Variants in CAMTA2 observed in about 807,000 individuals in gnomAD.
CAMTA2 encodes calmodulin-binding transcription activator 2.
A neutral mutation model predicts 135.7 loss-of-function variants in CAMTA2; 56 were observed. The observed-to-expected ratio is 0.41, with a 90% CI of 0.33 to 0.52. The LOEUF (loss-of-function observed/expected upper bound fraction) is 0.52, where lower values mean the gene tolerates loss of function less well. Ranked by LOEUF, CAMTA2 falls within the 20% of genes least tolerant of loss-of-function variation. The pLI is 0.16. For synonymous variants in CAMTA2, 591 were observed against 604.6 expected, an observed-to-expected ratio of 0.98 and a Z score of 0.33; for missense variants, 1,358 against 1,553.4, an observed-to-expected ratio of 0.87 and a Z score of 2.11.
At chr17:4,971,886 G>A (rs536300133) in intron 16 of CAMTA2, among the ~76,000 whole-genome samples, 3 of 151,930 alleles carry the variant, frequency 2.0e-5, no homozygotes, top group Non-Finnish European at 2.9e-5. Flanking sequence ...AGGGGGTTTC[G>A]CCATGTTGCC....
chr17:4,968,734 G>A lies in CAMTA2; in HGVS notation c.*22C>T. 6.2e-7 allele frequency: 1 copy of A among 1,613,742 alleles called. No homozygotes were observed. Among genetic ancestry groups the A allele is most frequent in the African/African-American group, 1.3e-5 (1 of 75,036 alleles). On this transcript the variant is annotated 3_prime_UTR_variant, in exon 23 of 23. Coordinates refer to ENST00000348066, the MANE Select transcript of CAMTA2 (RefSeq NM_015099.4). ...AGACTGCACGAGGCGCCCCCAGGGT[G>A]GTGAGAAAGGCGGTGGCCAGGTCAT...
chr17:4,977,369 G>A (rs1329716255), intron 10 of CAMTA2, among the ~76,000 whole-genome samples, 177 bp from the exon 11 acceptor site: 1 of 152,254 alleles, frequency 6.6e-6, no homozygotes, highest in Non-Finnish European at 1.5e-5. Flanking sequence ...ATTTGTTTGA[G>A]AACTTAATAC....
chr17:4,983,476 G>C (rs989915297), intron 3 of CAMTA2, among the ~76,000 whole-genome samples: 1 of 151,878 alleles, frequency 6.6e-6, no homozygotes, highest in Non-Finnish European at 1.5e-5. Flanking sequence ...GTAGAGACAG[G>C]ATTTCACCAT....
At position 4,972,362 on chromosome 17, in the gene CAMTA2, A is replaced by AG. The variant is rs1972345442; in HGVS notation, c.2677dup (p.Leu893ProfsTer7). 1.9e-6 allele frequency: 3 copies of AG among 1,613,618 alleles called. No individual in the cohort carries two copies. The highest frequency in any genetic ancestry group is 2.5e-6 in the Non-Finnish European group (3 of 1,179,788). On this transcript the variant is annotated frameshift_variant, in exon 16 of 23. Coordinates refer to ENST00000348066, the MANE Select transcript of CAMTA2 (RefSeq NM_015099.4). LOFTEE classifies it high-confidence loss of function. ...GGTAGCCTCATAGTCCATGAGGAGT[A>AG]GGGGGGCTTCTGGGACACCAGAGGA...
Position 4,970,355 on chromosome 17 carries a change from C to T in CAMTA2, c.2990G>A (p.Ser997Asn), listed in dbSNP as rs757988195. Reference protein sequence around the residue: ...SYLENVDHFPSSTPPSELPFE... With the variant: ...SYLENVDHFPNSTPPSELPFE... ...AGCTAGTCACCTGGGAGGGGTTGAG[C>T]TGGGGAAATGGTCCACATTCTCCAG... Residue 997 changes from serine (S) to asparagine (N), a missense_variant, in exon 17 of 23, where the codon AGC becomes AAC. Around this residue, in one of 4 missense-constraint regions of CAMTA2, gnomAD observed 1,077 missense variants for 1,127.5 expected, o/e 0.96. Coordinates refer to ENST00000348066, the MANE Select transcript of CAMTA2 (RefSeq NM_015099.4). 1 of 1,614,236 alleles carries T rather than the reference C, an allele frequency of 6.2e-7. No individual in the cohort carries two copies. The highest frequency in any genetic ancestry group is 1.1e-5 in the South Asian group (1 of 91,088).
chr17:4,984,373 C>T (rs1203556825), intron 3 of CAMTA2, among the ~76,000 whole-genome samples: 1 of 152,232 alleles, frequency 6.6e-6, no homozygotes, highest in Non-Finnish European at 1.5e-5. Flanking sequence ...TTGATTCCTT[C>T]CTGAACATGC....
Position 4,982,059 on chromosome 17 carries a change from G to C in CAMTA2, c.411+30C>G, listed in dbSNP as rs776451372. ...CGTGTCCCTCAAAGAGTCAGGAAGA[G>C]GGTGGCTCCCTGGGCTCTTCCGTCC... On this transcript the variant is annotated intron_variant, in intron 6 of 22. Transcript: ENST00000348066. 5 of 1,552,992 alleles carry C rather than the reference G, an allele frequency of 3.2e-6. No individual in the cohort carries two copies. The South Asian group carries it at 5.6e-5, about 17-fold the overall frequency.
At position 4,987,630 on chromosome 17, in the gene CAMTA2, T is replaced by C. The variant is rs1973446266; in HGVS notation, c.-102A>G. On this transcript the variant is annotated 5_prime_UTR_variant, in exon 1 of 23. Transcript: ENST00000348066. ...CGCGGGTGACGGCGGCAGCGGCCAT[T>C]CTACCCCACACCGACCCCCCCCAGC... 2 of 1,526,994 alleles carry C rather than the reference T, an allele frequency of 1.3e-6. No individual in the cohort carries two copies. Among genetic ancestry groups the C allele is most frequent in the African/African-American group, 1.4e-5 (1 of 71,772 alleles). 94.6% of individuals were successfully genotyped at this position (1,526,994 alleles called of 1,614,324 possible).
At chr17:4,973,090 C>G in intron 14 of CAMTA2, 85 bp downstream of exon 14, 2 of 1,509,262 alleles carry the variant, frequency 1.3e-6, no homozygotes, top group East Asian at 2.3e-5. Context: ...CCACCCCACT[C>G]CCTGCATTCC....
chr17:4,986,703 C>T (rs1437808798), intron 1 of CAMTA2: 1 of 548,124 alleles, frequency 1.8e-6, no homozygotes, highest in African/African-American at 2.0e-5. Context: ...ATTCTACCTC[C>T]GGTAGAAGCT....
At chr17:4,985,798 C>T in intron 3 of CAMTA2, 82 bp downstream of exon 3, 1 of 845,898 alleles carries the variant, frequency 1.2e-6, no homozygotes, top group Non-Finnish European at 2.1e-6. Flanking sequence ...GGAGTGTTGA[C>T]AGACACGGAA....
intron 11 of CAMTA2, among the ~76,000 whole-genome samples, chr17:4,974,993 G>A (rs1206147825): frequency 1.3e-5 from 2 of 152,070 alleles, no homozygotes; most frequent in Non-Finnish European, 2.9e-5. Flanking sequence ...CCAGCCCCCC[G>A]CAGCTGTCCA....
chr17:4,983,844 A>G (rs1228568849), intron 3 of CAMTA2: 2 of 152,040 alleles, frequency 1.3e-5, no homozygotes, highest in African/African-American at 2.4e-5. Flanking sequence ...TCAGCCTCTC[A>G]AAGTGCTGGG....
At chr17:4,975,948 TGTGTTA>T (rs1972587009) in intron 11 of CAMTA2, among the ~76,000 whole-genome samples, 1 of 152,214 alleles carries the variant, frequency 6.6e-6, no homozygotes, top group South Asian at 2.1e-4. Flanking sequence ...CCTCTATGTT[TGTGTTA>T]GTACACCATG....
Position 4,970,484 on chromosome 17 carries a change from AT to A in CAMTA2, c.2860del (p.Ile954LeufsTer85). On this transcript the variant is annotated frameshift_variant, in exon 17 of 23. Coordinates refer to ENST00000348066, the MANE Select transcript of CAMTA2 (RefSeq NM_015099.4). LOFTEE classifies it high-confidence loss of function. The stretch of plus-strand genomic sequence containing the variant: ...CAGCCCCACGAAGTCCTCTCGTTTA[AT>A]CCGCTCCGGTGTGGCTTCGATGATC... ...KQIIEATPERIKREDFVGLPE... is the reference protein window; with the variant it reads ...KQIIEATPERXKREDFVGLPE... 6.2e-7 allele frequency: 1 copy of A among 1,613,942 alleles called. No individual in the cohort carries two copies.
At position 4,978,613 on chromosome 17, in the gene CAMTA2, G is replaced by T; in HGVS notation, c.1656C>A (p.Leu552=). Residue 552 remains leucine (L), a synonymous_variant, in exon 10 of 23, where the codon CTC becomes CTA. Coordinates refer to ENST00000348066, the MANE Select transcript of CAMTA2 (RefSeq NM_015099.4). ...WSYPEGGVKV[L]ITGPWTEAAE... ...CGGCTTCGGTCCAAGGACCTGTGAT[G>T]AGCACCTTGACCCCACCCTGCAGAC... 1 of 1,613,792 alleles carries T rather than the reference G, an allele frequency of 6.2e-7. No individual in the cohort carries two copies. The highest frequency in any genetic ancestry group is 1.1e-5 in the South Asian group (1 of 91,052).
chr17:4,982,922 T>C (rs745684306), intron 4 of CAMTA2, 30 bp from the exon 5 acceptor site: 4 of 1,614,070 alleles, frequency 2.5e-6, no homozygotes, highest in Middle Eastern at 3.3e-4. Context: ...CCTGGAGTTC[T>C]GTGAACAGAA....
rs1567680556 is a variant in CAMTA2, at chr17:4,968,889, G to A, written c.3545+18C>T. The A allele has an allele frequency of 1.2e-6, 2 of 1,613,876 alleles. No homozygotes were observed. Among genetic ancestry groups the A allele is most frequent in the Admixed American group, 1.7e-5 (1 of 60,032 alleles). On this transcript the variant is annotated intron_variant, in intron 22 of 22. Transcript: ENST00000348066. ...ACGGGTGGCAACGCAAAAGCCCAGGGGGAGAAGGGATGAGTACCTGTGTCG... is the reference window on the plus strand; with the variant it reads ...ACGGGTGGCAACGCAAAAGCCCAGGAGGAGAAGGGATGAGTACCTGTGTCG...
Position 4,969,502 on chromosome 17 carries a change from T to C in CAMTA2, c.3280A>G (p.Lys1094Glu). 6.2e-7 allele frequency: 1 copy of C among 1,614,118 alleles called. No individual in the cohort carries two copies. The highest frequency in any genetic ancestry group is 8.5e-7 in the Non-Finnish European group (1 of 1,179,988). ...KYKQLTWIALKFALYKKMTQA... is the reference protein window; with the variant it reads ...KYKQLTWIALEFALYKKMTQA... ...CACTCAGAGCTCATGCCTAATACCT[T>C]AAGTGCAATCCAGGTCAGCTTGTGG... The change falls in exon 20 of 23, where the codon AAG (lysine) becomes GAG (glutamate). Residue 1094 changes from lysine (K) to glutamate (E), a missense_variant and splice_region_variant. Lys to Glu is a moderately conservative substitution (Grantham distance 56). This residue lies in a region of CAMTA2 where 167 missense variants were observed against 207.0 expected (regional missense o/e 0.81). Transcript: ENST00000348066. This position sits in a 1 kb window ranked among gnomAD's most constrained non-coding sequence, Gnocchi z 5.6.
Sources: allele counts gnomAD v4.1 joint callset (sites outside exome capture counted in the v4.1 genomes callset), GRCh38; gene constraint gnomAD v4.1.1; regional missense constraint gnomAD v4.1.1; non-coding constraint Gnocchi (gnomAD v3.1); transcripts MANE v1.5; gene names NCBI Gene and HGNC (gene_info 2026-07-23, HGNC 2026-07-21).